Variants in MEIKIN observed in about 807,000 individuals in gnomAD.
The protein encoded by MEIKIN is meiosis-specific kinetochore protein.
chr5:131,846,009 G>T (rs1021949899), intron 11 of MEIKIN, among the ~76,000 whole-genome samples: 6 of 152,156 alleles, frequency 3.9e-5, no homozygotes, highest in Non-Finnish European at 8.8e-5. Context: ...GAAAGACAAA[G>T]AATCCTGAAA....
intron 11 of MEIKIN, among the ~76,000 whole-genome samples, chr5:131,842,732 TAAC>T (rs951621315): frequency 6.6e-6 from 1 of 152,358 alleles, no homozygotes; most frequent in Admixed American, 6.5e-5. Flanking sequence ...TTTAAGCTGA[TAAC>T]AACTTAACTT....
chr5:131,879,597 A>ATC lies in MEIKIN; in HGVS notation c.704-551_704-550dup, dbSNP rs1017920233. On this transcript the variant is annotated intron_variant, in intron 8 of 12. Transcript: ENST00000442687. ...ATCCACCTCCTGCTATAGCCCCTGT[A>ATC]TCTCCTCTTGCCCACAGGCAAATTT... Among the ~76,000 whole-genome samples, 11 of 152,166 alleles carry ATC rather than the reference A, an allele frequency of 7.2e-5. 1 individual carries two copies. The highest frequency in any genetic ancestry group is 5.9e-4 in the Admixed American group (9 of 15,280).
chr5:131,881,829 G>A (rs979049282), intron 8 of MEIKIN, among the ~76,000 whole-genome samples: 2 of 151,942 alleles, frequency 1.3e-5, no homozygotes, highest in Admixed American at 6.6e-5. Context: ...CCACTGTTTC[G>A]ACATGTCACC....
chr5:131,865,271 G>A (rs1750363079), intron 9 of MEIKIN, among the ~76,000 whole-genome samples: 1 of 151,250 alleles, frequency 6.6e-6, no homozygotes, highest in South Asian at 2.1e-4. Flanking sequence ...CCAGGCTGGA[G>A]TGCAGTGGCA....
At chr5:131,934,675 A>G (rs760468182) in intron 4 of MEIKIN, among the ~76,000 whole-genome samples, 4 of 152,246 alleles carry the variant, frequency 2.6e-5, no homozygotes, top group Non-Finnish European at 4.4e-5. Flanking sequence ...ATTTTTTTAT[A>G]TAACACTAAA....
intron 9 of MEIKIN, 68 bp downstream of exon 9, chr5:131,878,910 G>GT (rs1404734796): frequency 2.6e-6 from 1 of 390,756 alleles, no homozygotes; most frequent in Non-Finnish European, 4.5e-6. Flanking sequence ...TAAACTGTTA[G>GT]TTAAAAGTAT....
rs1580908224 is a variant in MEIKIN at position 131,921,880 on chromosome 5, G to A, written c.540C>T (p.Thr180=). 3 of 398,944 alleles carry A rather than the reference G, an allele frequency of 7.5e-6. No homozygotes were observed. The highest frequency in any genetic ancestry group is 3.6e-5 in the East Asian group (1 of 28,064). The allele number at this position is 398,944 out of a possible 1,614,324, so 24.7% of individuals were successfully genotyped here. Residue 180 remains threonine (T), a synonymous_variant, in exon 6 of 13, where the codon ACC becomes ACT. Coordinates refer to ENST00000442687, the MANE Select transcript of MEIKIN (RefSeq NM_001303622.2). The stretch of plus-strand genomic sequence containing the variant: ...CCTTCTCTATCGCTACTGCTTTACT[G>A]GTATCCAGAAGAGTAGAATTCTTCC... ...MQWKNSTLLD[T]SKAVAIEKAP... is the part of the protein sequence containing the mutation.
chr5:131,813,700 T>C (rs566349210), intron 12 of MEIKIN, among the ~76,000 whole-genome samples: 65 of 152,148 alleles, frequency 4.3e-4, no homozygotes, highest in Admixed American at 9.8e-4. Flanking sequence ...GTACTGGGAT[T>C]ACAGGCTTGA....
In MEIKIN at chr5:131,829,361, C is replaced by G. The variant is rs190436811; in HGVS notation, c.976-10498G>C. ...TGGAAGATTAGCTCCTAAACTAAGGCAAAAAGAGAAAGCCATGGCATGGGG... is the reference window on the plus strand; with the variant it reads ...TGGAAGATTAGCTCCTAAACTAAGGGAAAAAGAGAAAGCCATGGCATGGGG... On this transcript the variant is annotated intron_variant, in intron 11 of 12. Coordinates refer to ENST00000442687, the MANE Select transcript of MEIKIN (RefSeq NM_001303622.2). 3.9e-4 allele frequency among the ~76,000 whole-genome samples: 59 copies of G among 152,190 alleles called. 1 individual carries two copies. Among genetic ancestry groups the G allele is most frequent in the African/African-American group, 1.4e-3 (58 of 41,538 alleles).
chr5:131,872,898 A>C (rs1750533470), intron 9 of MEIKIN, among the ~76,000 whole-genome samples: 1 of 152,214 alleles, frequency 6.6e-6, no homozygotes, highest in Non-Finnish European at 1.5e-5. Context: ...CAGCCAAACT[A>C]AGCTTCATAA....
intron 8 of MEIKIN, among the ~76,000 whole-genome samples, chr5:131,896,737 T>G (rs547727555): frequency 7.4e-4 from 113 of 152,256 alleles, no homozygotes; most frequent in South Asian, 6.2e-3. Flanking sequence ...TTGCTTGGTA[T>G]ATCTTCCTCC....
At chr5:131,904,789 C>T (rs1477255198) in intron 8 of MEIKIN, among the ~76,000 whole-genome samples, 2 of 152,186 alleles carry the variant, frequency 1.3e-5, no homozygotes, top group African/African-American at 4.8e-5. Context: ...GGCACATATA[C>T]ACCATGGAAT....
chr5:131,857,921 A>G (rs1750223362), intron 9 of MEIKIN, among the ~76,000 whole-genome samples: 6 of 152,124 alleles, frequency 3.9e-5, no homozygotes, highest in Admixed American at 3.9e-4. Flanking sequence ...TGTGTACAGA[A>G]TCCAGTGCCT....
chr5:131,905,235 T>C (rs1452068111), intron 8 of MEIKIN, among the ~76,000 whole-genome samples: 1 of 152,140 alleles, frequency 6.6e-6, no homozygotes, highest in Non-Finnish European at 1.5e-5. Flanking sequence ...AATCAATAAC[T>C]TTTTTGAAAC....
intron 12 of MEIKIN, among the ~76,000 whole-genome samples, chr5:131,810,098 A>G (rs1772925027): frequency 6.6e-6 from 1 of 152,200 alleles, no homozygotes; most frequent in Non-Finnish European, 1.5e-5. Flanking sequence ...GGGATGTCCT[A>G]TTCTTAAGTG....
chr5:131,857,934 C>T (rs1276254396), intron 9 of MEIKIN, among the ~76,000 whole-genome samples: 7 of 152,228 alleles, frequency 4.6e-5, no homozygotes, highest in Non-Finnish European at 7.3e-5. Context: ...CAGTGCCTCA[C>T]TCCCGCCAGC....
At chr5:131,906,676 C>T (rs73259957) in intron 8 of MEIKIN, among the ~76,000 whole-genome samples, 20,581 of 152,086 alleles carry the variant, frequency 0.14, 3,574 homozygotes, top group African/African-American at 0.41. Context: ...CATGGAATGC[C>T]ATGCAGTCAT....
chr5:131,918,753 A>C (rs979063773), intron 6 of MEIKIN, among the ~76,000 whole-genome samples: 1 of 152,194 alleles, frequency 6.6e-6, no homozygotes, highest in African/African-American at 2.4e-5. Context: ...ATTTCTGGGA[A>C]AGCTTTTCTT....
chr5:131,916,392 C>A (rs1751416099), intron 7 of MEIKIN, among the ~76,000 whole-genome samples: 1 of 152,200 alleles, frequency 6.6e-6, no homozygotes, highest in Admixed American at 6.5e-5. Context: ...TACATTCTTT[C>A]CCAAGGAGAC....
Sources: gnomAD v4.1 joint callset for allele counts (sites outside exome capture counted in the v4.1 genomes callset) on GRCh38, gnomAD v4.1.1 for gene constraint, MANE v1.5 for transcripts, NCBI Gene and HGNC (gene_info 2026-07-23, HGNC 2026-07-21) for gene names.